The following GRHL3 variants were observed in gnomAD, a reference collection of about 807,000 sequenced individuals.
The protein encoded by GRHL3 is grainyhead like transcription factor 3.
Under a neutral mutation model 70.3 loss-of-function variants are expected in GRHL3, and 20 were observed. The observed-to-expected ratio is 0.28, with a 90% CI of 0.20 to 0.41. The LOEUF (loss-of-function observed/expected upper bound fraction) is 0.41. Ranked by LOEUF, GRHL3 falls within the 10% of genes least tolerant of loss-of-function variation. The pLI is 1.00. For synonymous variants in GRHL3, 299 were observed against 299.9 expected (o/e 1.00, Z 0.03); for missense variants, 637 against 762.3 (o/e 0.84, Z 1.94).
chr1:24,356,281 C>T (rs900650876), downstream of GRHL3, among the ~76,000 whole-genome samples: 7 of 151,742 alleles, frequency 4.6e-5, no homozygotes, highest in African/African-American at 1.2e-4. Context: ...CTGGCTCTGT[C>T]GCCCAGGCTG....
At chr1:24,346,295 A>G (rs1640281949) in intron 12 of GRHL3, among the ~76,000 whole-genome samples, 1 of 152,064 alleles carries the variant, frequency 6.6e-6, no homozygotes, top group Admixed American at 6.5e-5. Flanking sequence ...TTGCTTTCTC[A>G]TCATCCCATT....
At chr1:24,337,588 T>C in intron 5 of GRHL3, 48 bp from the exon 6 acceptor site, 1 of 1,605,860 alleles carries the variant, frequency 6.2e-7, no homozygotes, top group Non-Finnish European at 8.5e-7. Flanking sequence ...TCTAGGAGAC[T>C]TCCTGCCTGG....
Position 24,347,171 on chromosome 1 carries a change from G to A in GRHL3, c.1544-297G>A, listed in dbSNP as rs148137444. On this transcript the variant is annotated intron_variant, in intron 13 of 15. Transcript: ENST00000361548. ...CCATCAATTCCCACAATGACTCTAC[G>A]AAACAGCGGACAGAGCCTCCATTTT... 9.8e-5 allele frequency among the ~76,000 whole-genome samples: 15 copies of A among 152,298 alleles called. No individual in the cohort carries two copies. In the East Asian group the frequency reaches 1.2e-3, roughly 12 times the overall value.
In GRHL3 at chr1:24,324,375, A is replaced by AATCTCCTG. The variant is rs767414300; in HGVS notation, c.17+4807_17+4808insATCTCCTG. ...TGTTCCTCTTAAGTGGAAATCTCCAAGCATCAGGATGATTCTGCCAGCTAG... is the reference window on the plus strand; with the variant it reads ...TGTTCCTCTTAAGTGGAAATCTCCAAATCTCCTGGCATCAGGATGATTCTGCCAGCTAG... On this transcript the variant is annotated intron_variant, in intron 1 of 15. Coordinates refer to ENST00000361548, the MANE Select transcript of GRHL3 (RefSeq NM_198173.3). Among the ~76,000 whole-genome samples the AATCTCCTG allele has an allele frequency of 2.8e-3, 426 of 152,298 alleles. 2 individuals carry two copies. Among genetic ancestry groups the AATCTCCTG allele is most frequent in the Non-Finnish European group, 2.4e-3 (160 of 68,012 alleles).
chr1:24,319,837 A>T, intron 1 of GRHL3: 3 of 1,008,726 alleles, frequency 3.0e-6, no homozygotes, highest in Non-Finnish European at 4.1e-6. Context: ...GAAACTGTGA[A>T]GGTTTCTGGC....
chr1:24,352,454 T>G (rs1349442356), intron 15 of GRHL3, among the ~76,000 whole-genome samples: 1 of 152,140 alleles, frequency 6.6e-6, no homozygotes. Context: ...GAGGCCCACA[T>G]TTGGTGACAG....
At chr1:24,345,660 G>C (rs1028114231) in intron 12 of GRHL3, among the ~76,000 whole-genome samples, 1 of 152,164 alleles carries the variant, frequency 6.6e-6, no homozygotes, top group Non-Finnish European at 1.5e-5. Flanking sequence ...CCCCCACTGG[G>C]GGGCCTAGCT....
At chr1:24,319,633 G>C (rs1639103272) in intron 1 of GRHL3, 65 bp downstream of exon 1, 4 of 1,612,790 alleles carry the variant, frequency 2.5e-6, no homozygotes, top group African/African-American at 1.3e-5. Flanking sequence ...GTTTCCTGGA[G>C]GGGGAAGAGC....
At chr1:24,337,913 A>G in intron 6 of GRHL3, 79 bp from the exon 7 acceptor site, 1 of 1,549,262 alleles carries the variant, frequency 6.5e-7, no homozygotes, top group African/African-American at 1.4e-5. Context: ...GGGTTGGGGA[A>G]ACTGAGGCAA....
chr1:24,336,221 T>A (rs1639804872), intron 3 of GRHL3, among the ~76,000 whole-genome samples: 2 of 152,202 alleles, frequency 1.3e-5, no homozygotes, highest in African/African-American at 4.8e-5. Context: ...CAGGGTTTTT[T>A]TTTTTTTTAA....
chr1:24,337,567 C>A, intron 5 of GRHL3, 69 bp from the exon 6 acceptor site: 2 of 1,514,230 alleles, frequency 1.3e-6, no homozygotes, highest in Non-Finnish European at 1.8e-6. Flanking sequence ...AGGCTTCCTG[C>A]CCCACTGCCC....
At chr1:24,356,063 G>A (rs1640706972), downstream of GRHL3, among the ~76,000 whole-genome samples, 2 of 151,410 alleles carry the variant, frequency 1.3e-5, no homozygotes, top group South Asian at 4.2e-4. Context: ...ACCACGCTTG[G>A]CTAATTTTTG....
At position 24,355,244 on chromosome 1, in the gene GRHL3, G is replaced by A. The variant is rs998454395; in HGVS notation, c.*756G>A. 5 of 152,214 alleles carry A rather than the reference G, an allele frequency of 3.3e-5. No individual in the cohort carries two copies. Among genetic ancestry groups the A allele is most frequent in the Non-Finnish European group, 5.9e-5 (4 of 67,954 alleles). 9.4% of individuals were successfully genotyped at this position (152,214 alleles called of 1,614,324 possible). ...CACATTTCTTGGACTTTTTTTAGCTGTTATTCAGTGATGCATTTTGTATAC... is the reference window on the plus strand; with the variant it reads ...CACATTTCTTGGACTTTTTTTAGCTATTATTCAGTGATGCATTTTGTATAC... On this transcript the variant is annotated 3_prime_UTR_variant, in exon 16 of 16. Transcript: ENST00000361548.
At chr1:24,363,344 T>C (rs1454409881) in intron 15 of GRHL3, among the ~76,000 whole-genome samples, 1 of 152,190 alleles carries the variant, frequency 6.6e-6, no homozygotes, top group African/African-American at 2.4e-5. Flanking sequence ...ATGTGTGGGA[T>C]TCTGGGCCAG....
Position 24,342,237 on chromosome 1 carries a change from C to T in GRHL3, c.1170C>T (p.His390=). The part of the protein sequence containing the change: ...DCGLGTERLV[H]RAVCQIKIFC... Reference sequence around the variant, plus strand: ...GCTTGGGCACTGAGCGCCTGGTACACCGTGCTGTCTGCCAGATCAAGATCT... The same window carrying T: ...GCTTGGGCACTGAGCGCCTGGTACATCGTGCTGTCTGCCAGATCAAGATCT... The change falls in exon 9 of 16, where the codon CAC becomes CAT. Residue 390 remains histidine (H), a synonymous_variant. Coordinates refer to ENST00000361548, the MANE Select transcript of GRHL3 (RefSeq NM_198173.3). This position sits in a 1 kb window ranked among gnomAD's most constrained non-coding sequence, Gnocchi z 4.8. 6.2e-7 allele frequency: 1 copy of T among 1,612,260 alleles called. No individual in the cohort carries two copies. The highest frequency in any genetic ancestry group is 1.1e-5 in the South Asian group (1 of 90,704).
At chr1:24,331,351 C>A in intron 1 of GRHL3, 75 bp from the exon 2 acceptor site, 1 of 1,326,622 alleles carries the variant, frequency 7.5e-7, no homozygotes, top group East Asian at 2.4e-5. Flanking sequence ...AATTCCTGGG[C>A]GTTGGCCTGC....
In GRHL3 at chr1:24,354,796, T is replaced by C. The variant is rs905102867; in HGVS notation, c.*308T>C. On this transcript the variant is annotated 3_prime_UTR_variant, in exon 16 of 16. Transcript: ENST00000361548. ...AGACTGTTCCCTCCTCCCAAGACCC[T>C]TGTCTGCAGTGGTGCTCCTGCAGGC... 2 of 232,824 alleles carry C rather than the reference T, an allele frequency of 8.6e-6. No homozygotes were observed. The highest frequency in any genetic ancestry group is 1.7e-5 in the Non-Finnish European group (2 of 117,188). 14.4% of individuals were successfully genotyped at this position (232,824 alleles called of 1,614,324 possible). A position where few individuals can be genotyped will look rare whatever the true frequency, so the allele number is the denominator to read the frequency against.
chr1:24,319,862 C>A, intron 1 of GRHL3: 1 of 695,480 alleles, frequency 1.4e-6, no homozygotes, highest in Non-Finnish European at 2.2e-6. Flanking sequence ...CTTTTTGATC[C>A]TCTGAAGGGG....
intron 1 of GRHL3, among the ~76,000 whole-genome samples, chr1:24,324,013 A>G (rs1639301352): frequency 6.6e-6 from 1 of 152,204 alleles, no homozygotes. Context: ...CCATTTACAG[A>G]GTAATCCTCA....
Sources: allele counts gnomAD v4.1 joint callset (sites outside exome capture counted in the v4.1 genomes callset), GRCh38; gene constraint gnomAD v4.1.1; non-coding constraint Gnocchi (gnomAD v3.1); transcripts MANE v1.5; gene names NCBI Gene and HGNC (gene_info 2026-07-23, HGNC 2026-07-21).